Variants in NCAPH2 observed in about 807,000 individuals in gnomAD.
The protein encoded by NCAPH2 is non-SMC condensin II complex subunit H2, also known as condensin-2 complex subunit H2.
A neutral mutation model predicts 88.6 loss-of-function variants in NCAPH2; 56 were observed. The observed-to-expected ratio is 0.63, with a 90% CI of 0.51 to 0.79. NCAPH2 has a LOEUF of 0.79. NCAPH2 is among the 30% of genes least tolerant of loss of function. The pLI is 0.00. For missense variants in NCAPH2, 794 were observed against 792.0 expected, an observed-to-expected ratio of 1.00 and a Z score of -0.03; for synonymous variants, 378 against 313.6, an observed-to-expected ratio of 1.21 and a Z score of -2.17.
Position 50,523,326 on chromosome 22 carries a change from C to T in NCAPH2, c.1769C>T (p.Ala590Val), listed in dbSNP as rs1419029612. ...CTGAGACTGCTCACGCACCAGCGAG[C>T]GCACAAGCGCTTCCAGACCTACGCT... ...MSLRLLTHQR[A>V]HKRFQTYAAP... Residue 590 changes from alanine (A) to valine (V), a missense_variant, in exon 20 of 20, where the codon GCG (alanine) becomes GTG (valine). Physicochemically the swap from Ala to Val is moderately conservative, Grantham distance 64 (BLOSUM62 0). Transcript: ENST00000420993. The T allele has an allele frequency of 1.0e-5, 16 of 1,577,058 alleles. No homozygotes were observed. Among genetic ancestry groups the T allele is most frequent in the African/African-American group, 1.4e-5 (1 of 74,000 alleles).
Position 50,518,265 on chromosome 22 carries a change from A to AG in NCAPH2, c.636dup (p.Thr213AspfsTer9). 1 of 1,613,070 alleles carries AG rather than the reference A, an allele frequency of 6.2e-7. No individual in the cohort carries two copies. Among genetic ancestry groups the AG allele is most frequent in the Non-Finnish European group, 8.5e-7 (1 of 1,179,908 alleles). On this transcript the variant is annotated frameshift_variant, in exon 7 of 20. Transcript: ENST00000420993. LOFTEE classifies it high-confidence loss of function. ...AACCAGCGGGCGTTTCCCCCATGCC[A>AG]GGGACCCAGAAGGGTGAGGGCTTGG...
chr22:50,519,760 A>C (rs1025473015), intron 9 of NCAPH2: 42 of 1,000,458 alleles, frequency 4.2e-5, no homozygotes, highest in Admixed American at 1.7e-4. Context: ...TGATGCATAC[A>C]GAGGAAATGT....
intron 11 of NCAPH2, 52 bp from the exon 12 acceptor site, chr22:50,521,689 C>T: frequency 6.2e-7 from 1 of 1,611,392 alleles, no homozygotes; most frequent in Non-Finnish European, 8.5e-7. Flanking sequence ...TGGGAGTGGG[C>T]TTTGCACCCT....
intron 1 of NCAPH2, among the ~76,000 whole-genome samples, chr22:50,512,919 T>C (rs2068824237): frequency 6.6e-6 from 1 of 152,196 alleles, no homozygotes; most frequent in Admixed American, 6.6e-5. Flanking sequence ...TAGTTGTGAA[T>C]TGTGTGCCAA....
chr22:50,522,706 G>C lies in NCAPH2; in HGVS notation c.1411G>C (p.Val471Leu). The change falls in exon 17 of 20, where the codon GTT becomes CTT. Residue 471 changes from valine to leucine, a missense_variant. Around this residue, in one of 2 missense-constraint regions of NCAPH2, gnomAD observed 735 missense variants for 696.3 expected, o/e 1.06. Coordinates refer to ENST00000420993, the MANE Select transcript of NCAPH2 (RefSeq NM_152299.4). ...VPMSLSYEEL[V>L]RRNVELFIAT... is the part of the protein sequence containing the mutation. Reference sequence around the variant, plus strand: ...GATGTCCCTGAGCTACGAGGAGCTGGTTCGAAGGAATGTGGTAGGCCTGGG... The same window carrying C: ...GATGTCCCTGAGCTACGAGGAGCTGCTTCGAAGGAATGTGGTAGGCCTGGG... 1 of 1,613,636 alleles carries C rather than the reference G, an allele frequency of 6.2e-7. No homozygotes were observed. Among genetic ancestry groups the C allele is most frequent in the East Asian group, 2.2e-5 (1 of 44,888 alleles).
At chr22:50,514,541 T>G (rs189315707) in intron 1 of NCAPH2, among the ~76,000 whole-genome samples, 126 of 152,210 alleles carry the variant, frequency 8.3e-4, no homozygotes, top group African/African-American at 3.0e-3. Context: ...AGGTCCAACC[T>G]GGGGAGGTGA....
Position 50,518,688 on chromosome 22 carries a change from TGTGCAGGA to T in NCAPH2, c.688_695del (p.Cys230ProfsTer37). ...GAGGAGCAGCCAATGGAAGTTTCCGTGTGCAGGAGCCCTGTCCCAGCACTCGGCTTCTC... is the reference window on the plus strand; with the variant it reads ...GAGGAGCAGCCAATGGAAGTTTCCGTGCCCTGTCCCAGCACTCGGCTTCTC... On this transcript the variant is annotated frameshift_variant, in exon 8 of 20. Coordinates refer to ENST00000420993, the MANE Select transcript of NCAPH2 (RefSeq NM_152299.4). LOFTEE classifies it high-confidence loss of function. 1 of 1,609,760 alleles carries T rather than the reference TGTGCAGGA, an allele frequency of 6.2e-7. No homozygotes were observed. The highest frequency in any genetic ancestry group is 8.5e-7 in the Non-Finnish European group (1 of 1,178,956).
Position 50,521,866 on chromosome 22 carries a change from G to A in NCAPH2, c.1108+18G>A, listed in dbSNP as rs1232624495. On this transcript the variant is annotated intron_variant, in intron 12 of 19. Transcript: ENST00000420993. ...GGCTGCCTGTGAGTGGGTGTGGTGT[G>A]CACTCCGGACCACTGGGAGCTGGGG... The A allele has an allele frequency of 1.9e-6, 3 of 1,613,446 alleles. No homozygotes were observed. Among genetic ancestry groups the A allele is most frequent in the Non-Finnish European group, 1.7e-6 (2 of 1,179,784 alleles).
At chr22:50,516,597 C>T (rs778075051) in intron 2 of NCAPH2, 49 bp downstream of exon 2, 16 of 1,553,340 alleles carry the variant, frequency 1.0e-5, no homozygotes, top group Non-Finnish European at 1.3e-5. Context: ...CCAGTGGGAC[C>T]ACAGTCGGCT....
rs117369815 is a variant in NCAPH2 at position 50,524,625 on chromosome 22, T to A, written c.*1250T>A. 43 of 706,818 alleles carry A rather than the reference T, an allele frequency of 6.1e-5. No homozygotes were observed. In the East Asian group the frequency reaches 1.2e-3, roughly 19 times the overall value. 43.8% of individuals were successfully genotyped at this position (706,818 alleles called of 1,614,324 possible). A position where few individuals can be genotyped will look rare whatever the true frequency, so the allele number is the denominator to read the frequency against. On this transcript the variant is annotated 3_prime_UTR_variant, in exon 20 of 20. Coordinates refer to ENST00000420993, the MANE Select transcript of NCAPH2 (RefSeq NM_152299.4). ...CCTGGGCAACCACACCTGTCACTCC[T>A]GTCCTCTACCTGGGATCACCAGCCT...
At position 50,523,009 on chromosome 22, in the gene NCAPH2, C is replaced by G. The variant is rs373121134; in HGVS notation, c.1528-8C>G. The G allele has an allele frequency of 2.5e-6, 4 of 1,604,394 alleles. No individual in the cohort carries two copies. The highest frequency in any genetic ancestry group is 1.7e-5 in the Admixed American group (1 of 59,722). On this transcript the variant is annotated splice_region_variant and splice_polypyrimidine_tract_variant and intron_variant, in intron 18 of 19. Transcript: ENST00000420993. ...TCTCCGCAGCCAACATGCCCCTCCC[C>G]TGTGCAGGAGCAGCATGTGCCCTTT... is the stretch of plus-strand genomic sequence containing the variant.
chr22:50,524,737 C>T lies in NCAPH2; in HGVS notation c.*1362C>T. 8.9e-6 allele frequency: 5 copies of T among 563,930 alleles called. No individual in the cohort carries two copies. The highest frequency in any genetic ancestry group is 4.5e-5 in the Admixed American group (2 of 44,832). The allele number at this position is 563,930 out of a possible 1,614,324, so 34.9% of individuals were successfully genotyped here. A position where few individuals can be genotyped will look rare whatever the true frequency, so the allele number is the denominator to read the frequency against. On this transcript the variant is annotated 3_prime_UTR_variant, in exon 20 of 20. Transcript: ENST00000420993. Reference sequence around the variant, plus strand: ...ATTCCAAGTGCATGCCTTGCCTGAACTAACCACGTTATCTATTTGCAATAA... The same window carrying T: ...ATTCCAAGTGCATGCCTTGCCTGAATTAACCACGTTATCTATTTGCAATAA...
intron 1 of NCAPH2, among the ~76,000 whole-genome samples, chr22:50,508,711 C>G (rs2148653051): frequency 6.6e-6 from 1 of 152,326 alleles, no homozygotes; most frequent in Non-Finnish European, 1.5e-5. Flanking sequence ...GGTGACCAGC[C>G]GTTTCTCTAA....
chr22:50,522,705 G>A lies in NCAPH2; in HGVS notation c.1410G>A (p.Leu470=). The A allele has an allele frequency of 1.2e-6, 2 of 1,613,668 alleles. No homozygotes were observed. Among genetic ancestry groups the A allele is most frequent in the South Asian group, 1.1e-5 (1 of 91,082 alleles). The part of the protein sequence containing the change: ...AVPMSLSYEE[L]VRRNVELFIA... ...CGATGTCCCTGAGCTACGAGGAGCT[G>A]GTTCGAAGGAATGTGGTAGGCCTGG... Residue 470 remains leucine, a synonymous_variant, in exon 17 of 20, where the codon CTG becomes CTA. Coordinates refer to ENST00000420993, the MANE Select transcript of NCAPH2 (RefSeq NM_152299.4).
At chr22:50,518,544 GTC>G in intron 7 of NCAPH2, 103 bp from the exon 8 acceptor site, 1 of 1,226,412 alleles carries the variant, frequency 8.2e-7, no homozygotes. Flanking sequence ...GAGTCTGCTG[GTC>G]TCTGCCCTCC....
Position 50,523,793 on chromosome 22 carries a change from C to T in NCAPH2, c.*418C>T, listed in dbSNP as rs368719100. 33 of 1,614,034 alleles carry T rather than the reference C, an allele frequency of 2.0e-5. No homozygotes were observed. The highest frequency in any genetic ancestry group is 1.6e-4 in the Middle Eastern group (1 of 6,084). On this transcript the variant is annotated 3_prime_UTR_variant, in exon 20 of 20. Coordinates refer to ENST00000420993, the MANE Select transcript of NCAPH2 (RefSeq NM_152299.4). ...TCCTTGGGGCCTGCATTGTAGTACA[C>T]GCGGTAACTGTGACTAGCCTGGGCA...
At chr22:50,513,917 A>C (rs2148658519) in intron 1 of NCAPH2, among the ~76,000 whole-genome samples, 1 of 152,324 alleles carries the variant, frequency 6.6e-6, no homozygotes, top group Middle Eastern at 3.4e-3. Context: ...AAGAATGTTT[A>C]GCTCCAGGTG....
At chr22:50,519,695 A>G (rs1305597546) in intron 9 of NCAPH2, 2 of 1,095,334 alleles carry the variant, frequency 1.8e-6, no homozygotes, top group Non-Finnish European at 1.1e-6. Context: ...GGTCAACTGT[A>G]CCCAGCCTAG....
intron 10 of NCAPH2, 131 bp from the exon 11 acceptor site, chr22:50,521,412 C>A: frequency 1.1e-6 from 1 of 937,232 alleles, no homozygotes; most frequent in South Asian, 1.4e-5. Context: ...ACCCCCTACT[C>A]CTCCTTTGGG....
Sources: allele counts gnomAD v4.1 joint callset (sites outside exome capture counted in the v4.1 genomes callset), GRCh38; gene constraint gnomAD v4.1.1; regional missense constraint gnomAD v4.1.1; transcripts MANE v1.5; gene names NCBI Gene and HGNC (gene_info 2026-07-23, HGNC 2026-07-21).